Variants in DMBT1 observed in about 807,000 individuals in gnomAD.
DMBT1 encodes the protein scavenger receptor cysteine-rich domain-containing protein DMBT1.
DMBT1 carries 198 observed loss-of-function variants against 252.9 expected under a neutral mutation model. The ratio of observed to expected loss-of-function variants is 0.78; its 90% CI spans 0.70 to 0.88. DMBT1 has a LOEUF of 0.88. Ranked by LOEUF, DMBT1 falls within the 40% of genes least tolerant of loss-of-function variation. DMBT1 has a pLI of 0.00. For synonymous variants in DMBT1, 990 were observed against 942.7 expected, an observed-to-expected ratio of 1.05 and a Z score of -0.92; for missense variants, 2,432 against 2,404.7, an observed-to-expected ratio of 1.01 and a Z score of -0.24.
At chr10:122,569,126 G>A (rs1372059011) in intron 2 of DMBT1, among the ~76,000 whole-genome samples, 1 of 107,456 alleles carries the variant, frequency 9.3e-6, no homozygotes, top group Admixed American at 1.1e-4. Context: ...ATATAGTGGA[G>A]GCAGGCTTCA....
chr10:122,639,808 A>G (rs1168119019), intron 54 of DMBT1, among the ~76,000 whole-genome samples: 1 of 152,248 alleles, frequency 6.6e-6, no homozygotes, highest in African/African-American at 2.4e-5. Context: ...TGGACAAGGT[A>G]GAACCCCTTC....
intron 20 of DMBT1, among the ~76,000 whole-genome samples, chr10:122,592,908 G>A (rs369669852): frequency 4.0e-5 from 6 of 148,580 alleles, no homozygotes; most frequent in African/African-American, 1.5e-4. Flanking sequence ...GAGTAGCACT[G>A]GGTGAGGGTA....
Position 122,579,659 on chromosome 10 carries a change from C to T in DMBT1, c.761C>T (p.Ser254Phe). The change falls in exon 10 of 56, where the codon TCC becomes TTC. Residue 254 changes from serine (S) to phenylalanine (F), a missense_variant. By Grantham distance (155) the Ser-to-Phe change is radical. Coordinates refer to ENST00000338354, the MANE Select transcript of DMBT1 (RefSeq NM_001377530.1). ...RGRVEVLYRGSWGTVCDDYWD... is the reference protein window; with the variant it reads ...RGRVEVLYRGFWGTVCDDYWD... The stretch of plus-strand genomic sequence containing the variant: ...CGAGTGGAGGTCCTATACCGAGGCT[C>T]CTGGGGCACCGTGTGTGATGACTAC... 6.2e-7 allele frequency: 1 copy of T among 1,613,784 alleles called. No homozygotes were observed.
chr10:122,592,016 T>G (rs779728666), intron 19 of DMBT1, among the ~76,000 whole-genome samples: 9 of 148,104 alleles, frequency 6.1e-5, no homozygotes. Context: ...GAGTAGGGAG[T>G]GGGGTGTCCA....
At chr10:122,561,899 C>CTGTCTG (rs2097550123) in intron 1 of DMBT1, among the ~76,000 whole-genome samples, 1 of 148,252 alleles carries the variant, frequency 6.7e-6, no homozygotes, top group Non-Finnish European at 1.5e-5. Flanking sequence ...TATCACCTTT[C>CTGTCTG]TCTCTGTCTC....
Position 122,598,215 on chromosome 10 carries a change from G to T in DMBT1, c.2956+203G>T, listed in dbSNP as rs540688628. The stretch of plus-strand genomic sequence containing the variant: ...GGAGGGTGCTGGTGACTTGTCTCCC[G>T]TGGAATCCTGTTCCAAGTGGTCAGG... On this transcript the variant is annotated intron_variant, in intron 25 of 55. Transcript: ENST00000338354. 5.3e-5 allele frequency among the ~76,000 whole-genome samples: 8 copies of T among 152,188 alleles called. No homozygotes were observed. The East Asian group carries it at 1.2e-3, about 22-fold the overall frequency.
chr10:122,618,726 A>G (rs905468748), intron 41 of DMBT1, among the ~76,000 whole-genome samples: 6 of 152,224 alleles, frequency 3.9e-5, no homozygotes, highest in Non-Finnish European at 7.3e-5. Flanking sequence ...GGAACTGTGA[A>G]CTAAAGATGC....
chr10:122,617,325 G>A, intron 40 of DMBT1, 65 bp downstream of exon 40: 1 of 1,555,464 alleles, frequency 6.4e-7, no homozygotes, highest in Non-Finnish European at 8.8e-7. Flanking sequence ...GTTTGAAACT[G>A]ATAGGATGAG....
In DMBT1 at chr10:122,587,656, C is replaced by T. The variant is rs79514364; in HGVS notation, c.1783+1273C>T. Reference sequence around the variant, plus strand: ...GGCAGACACAAAGTCCTTCAAACACCCCCAGATGCAGCAGGGCCCCATCTA... The same window carrying T: ...GGCAGACACAAAGTCCTTCAAACACTCCCAGATGCAGCAGGGCCCCATCTA... On this transcript the variant is annotated intron_variant, in intron 16 of 55. Coordinates refer to ENST00000338354, the MANE Select transcript of DMBT1 (RefSeq NM_001377530.1). 2.7e-3 allele frequency among the ~76,000 whole-genome samples: 398 copies of T among 148,226 alleles called. 19 individuals are homozygous for T. Among genetic ancestry groups the T allele is most frequent in the African/African-American group, 9.2e-3 (380 of 41,134 alleles).
At chr10:122,566,112 G>T in intron 2 of DMBT1, 116 bp downstream of exon 2, 2 of 1,087,028 alleles carry the variant, frequency 1.8e-6, no homozygotes, top group Middle Eastern at 2.3e-4. Flanking sequence ...CTGCCTTGTC[G>T]AATGCAGGAA....
At chr10:122,563,317 C>A (rs1232333139) in intron 1 of DMBT1, among the ~76,000 whole-genome samples, 1 of 152,156 alleles carries the variant, frequency 6.6e-6, no homozygotes, top group African/African-American at 2.4e-5. Flanking sequence ...ATAGACAGAG[C>A]CTCAGAACCA....
rs750191631 is a variant in DMBT1 at position 122,643,341 on chromosome 10, C to A, written c.7572C>A (p.Val2524=). ...GCTCCTACCAGGAAAAGGTGGACGTCGTCCTGGGTCCCATCCAGCTGCAGA... is the reference window on the plus strand; with the variant it reads ...GCTCCTACCAGGAAAAGGTGGACGTAGTCCTGGGTCCCATCCAGCTGCAGA... The part of the protein sequence containing the change: ...DVGSYQEKVD[V]VLGPIQLQTP... The change falls in exon 56 of 56, where the codon GTC becomes GTA. Residue 2524 remains valine, a synonymous_variant. Transcript: ENST00000338354. 1.2e-6 allele frequency: 2 copies of A among 1,613,958 alleles called. No individual in the cohort carries two copies. The highest frequency in any genetic ancestry group is 1.7e-6 in the Non-Finnish European group (2 of 1,179,888).
At position 122,630,431 on chromosome 10, in the gene DMBT1, G is replaced by A. The variant is rs7099177; in HGVS notation, c.5966G>A (p.Arg1989Gln). ...SSYNRMTIHF[R>Q]SDISFQNTGF... Reference sequence around the variant, plus strand: ...TACAACCGAATGACCATTCACTTTCGAAGTGACATCAGTTTCCAAAACACT... The same window carrying A: ...TACAACCGAATGACCATTCACTTTCAAAGTGACATCAGTTTCCAAAACACT... Residue 1989 changes from arginine to glutamine, a missense_variant, in exon 48 of 56, where the codon CGA (arginine) becomes CAA (glutamine). Coordinates refer to ENST00000338354, the MANE Select transcript of DMBT1 (RefSeq NM_001377530.1). The A allele has an allele frequency of 4.3e-5, 69 of 1,613,786 alleles. No homozygotes were observed. The highest frequency in any genetic ancestry group is 2.7e-4 in the South Asian group (25 of 91,074).
intron 20 of DMBT1, among the ~76,000 whole-genome samples, chr10:122,593,223 G>C (rs1451180323): frequency 2.0e-5 from 3 of 148,772 alleles, no homozygotes; most frequent in African/African-American, 7.3e-5. Context: ...ATTGCCTGTG[G>C]TCGGGGCTTG....
At chr10:122,562,252 C>T (rs777855482) in intron 1 of DMBT1, among the ~76,000 whole-genome samples, 42 of 151,900 alleles carry the variant, frequency 2.8e-4, no homozygotes, top group Non-Finnish European at 2.2e-4. Context: ...TTTCAGGATA[C>T]AGGGTAAAAA....
chr10:122,641,026 C>A (rs1161088743), intron 55 of DMBT1, among the ~76,000 whole-genome samples: 2 of 152,276 alleles, frequency 1.3e-5, no homozygotes, highest in Admixed American at 6.5e-5. Flanking sequence ...AGAGAGTGTG[C>A]AGCAGGTGGT....
intron 7 of DMBT1, 84 bp from the exon 8 acceptor site, chr10:122,577,727 T>C (rs1264062760): frequency 6.6e-7 from 1 of 1,519,602 alleles, no homozygotes; most frequent in Non-Finnish European, 9.1e-7. Context: ...GCTCAGGGTG[T>C]AGATACCCCA....
intron 18 of DMBT1, 119 bp downstream of exon 18, chr10:122,590,813 C>G: frequency 7.8e-7 from 1 of 1,283,614 alleles, no homozygotes; most frequent in Non-Finnish European, 1.1e-6. Context: ...TACTATTTTC[C>G]CTGCTCTGTA....
At chr10:122,630,536 C>T (rs769451409) in intron 48 of DMBT1, 46 bp downstream of exon 48, 16 of 1,580,270 alleles carry the variant, frequency 1.0e-5, no homozygotes, top group Non-Finnish European at 1.4e-5. Context: ...TGGATTTACC[C>T]AGCTGCCTCT....
Sources: gnomAD v4.1 joint callset for allele counts (sites outside exome capture counted in the v4.1 genomes callset) on GRCh38, gnomAD v4.1.1 for gene constraint, MANE v1.5 for transcripts, NCBI Gene and HGNC (gene_info 2026-07-23, HGNC 2026-07-21) for gene names.